Variants in NKAIN2 observed in about 807,000 individuals in gnomAD.
NKAIN2 encodes sodium/potassium transporting ATPase interacting 2.
In NKAIN2, 14 loss-of-function variants were observed where a neutral mutation model predicts 32.6. That is an observed-to-expected ratio of 0.43 (90% CI 0.28 to 0.67). NKAIN2 has a LOEUF of 0.67. Ranked by LOEUF, NKAIN2 falls within the 30% of genes least tolerant of loss-of-function variation. The pLI is 0.17. For missense variants in NKAIN2, 198 were observed against 258.3 expected, an observed-to-expected ratio of 0.77 and a Z score of 1.60; for synonymous variants, 80 against 87.2, an observed-to-expected ratio of 0.92 and a Z score of 0.46.
Position 124,043,309 on chromosome 6 carries a change from G to A in NKAIN2, c.54+239055G>A, listed in dbSNP as rs373076185. 5.3e-5 allele frequency among the ~76,000 whole-genome samples: 8 copies of A among 152,116 alleles called. 1 individual carries two copies. In the East Asian group the frequency reaches 1.2e-3, roughly 22 times the overall value. On this transcript the variant is annotated intron_variant, in intron 1 of 6. Coordinates refer to ENST00000368417, the MANE Select transcript of NKAIN2 (RefSeq NM_001040214.3). ...AGATCGCACCATTGCACTCCAGACTGTATGACAGAGTGAAACTCTGTCTCA... is the reference window on the plus strand; with the variant it reads ...AGATCGCACCATTGCACTCCAGACTATATGACAGAGTGAAACTCTGTCTCA...
chr6:124,030,281 C>A (rs189057632), intron 1 of NKAIN2, among the ~76,000 whole-genome samples: 3 of 152,096 alleles, frequency 2.0e-5, no homozygotes, highest in Non-Finnish European at 4.4e-5. Flanking sequence ...CATCCCAAAA[C>A]CATCCTCACA....
intron 3 of NKAIN2, among the ~76,000 whole-genome samples, chr6:124,416,848 A>T (rs1394820756): frequency 3.9e-5 from 6 of 151,978 alleles, no homozygotes; most frequent in Non-Finnish European, 8.8e-5. Context: ...CTCCACCCTC[A>T]TCCATCAGTT....
chr6:124,212,271 A>G (rs1339307903), intron 1 of NKAIN2, among the ~76,000 whole-genome samples: 2 of 152,210 alleles, frequency 1.3e-5, no homozygotes, highest in East Asian at 3.9e-4. Context: ...TAAAAGTAAT[A>G]TATGATTCTC....
At chr6:124,389,715 TTGTGTG>T (rs3052704) in intron 3 of NKAIN2, among the ~76,000 whole-genome samples, 4,562 of 141,608 alleles carry the variant, frequency 0.032, 205 homozygotes, top group African/African-American at 0.11. Context: ...CTGTGTACAT[TTGTGTG>T]TGTGTGTGTG....
intron 3 of NKAIN2, among the ~76,000 whole-genome samples, chr6:124,511,933 T>C (rs1227595822): frequency 1.3e-5 from 2 of 152,202 alleles, no homozygotes; most frequent in Non-Finnish European, 2.9e-5. Context: ...CTCACCACTT[T>C]TGAAGTGGTT....
intron 4 of NKAIN2, among the ~76,000 whole-genome samples, chr6:124,739,507 C>G (rs992619875): frequency 3.3e-5 from 5 of 151,776 alleles, no homozygotes; most frequent in African/African-American, 1.2e-4. Flanking sequence ...AACCAATGAC[C>G]CTTCCACAGT....
intron 3 of NKAIN2, among the ~76,000 whole-genome samples, chr6:124,446,958 A>G (rs1775917894): frequency 1.3e-5 from 2 of 152,088 alleles, no homozygotes; most frequent in Admixed American, 6.6e-5. Flanking sequence ...TATACATCCT[A>G]CAATGCACAG....
At chr6:123,888,660 A>C (rs2114362576) in intron 1 of NKAIN2, among the ~76,000 whole-genome samples, 1 of 152,158 alleles carries the variant, frequency 6.6e-6, no homozygotes, top group Non-Finnish European at 1.5e-5. Context: ...CTTTGTTCGC[A>C]TTTTTTTAAA....
chr6:124,008,055 T>TCTTGCTGGC, intron 1 of NKAIN2, among the ~76,000 whole-genome samples: 1 of 152,268 alleles, frequency 6.6e-6, no homozygotes, highest in South Asian at 2.1e-4. Context: ...AGCTACTGTC[T>TCTTGCTGGC]CTTGCTGGCC....
At chr6:123,819,451 G>A (rs1167904336) in intron 1 of NKAIN2, among the ~76,000 whole-genome samples, 2 of 152,146 alleles carry the variant, frequency 1.3e-5, no homozygotes, top group African/African-American at 2.4e-5. Context: ...AAAAGTCAGT[G>A]CTTGCTAAAA....
intron 1 of NKAIN2, among the ~76,000 whole-genome samples, chr6:124,271,454 G>T (rs1354260699): frequency 6.6e-6 from 1 of 152,150 alleles, no homozygotes; most frequent in Non-Finnish European, 1.5e-5. Context: ...CTGACCTCGT[G>T]ATCCACCCGC....
chr6:124,511,357 T>C (rs570086033), intron 3 of NKAIN2, among the ~76,000 whole-genome samples: 23 of 152,328 alleles, frequency 1.5e-4, no homozygotes, highest in African/African-American at 5.5e-4. Context: ...TGAGAGCTGA[T>C]TGTGCCCTGG....
chr6:124,765,867 A>G (rs2114746528), intron 4 of NKAIN2, among the ~76,000 whole-genome samples: 1 of 152,338 alleles, frequency 6.6e-6, no homozygotes, highest in South Asian at 2.1e-4. Context: ...CATCATAGGA[A>G]CTGAGAGGAG....
chr6:124,374,761 A>G (rs1232000870), intron 3 of NKAIN2, among the ~76,000 whole-genome samples: 3 of 152,058 alleles, frequency 2.0e-5, no homozygotes, highest in African/African-American at 7.3e-5. Flanking sequence ...CTGGGAAAAT[A>G]TAACAACCTA....
intron 3 of NKAIN2, among the ~76,000 whole-genome samples, chr6:124,466,712 G>A (rs1267860502): frequency 6.8e-6 from 1 of 147,994 alleles, no homozygotes; most frequent in Non-Finnish European, 1.5e-5. Flanking sequence ...TACATATGGA[G>A]TCAAAAAGAG....
At chr6:124,447,552 C>T (rs963092003) in intron 3 of NKAIN2, among the ~76,000 whole-genome samples, 5 of 152,168 alleles carry the variant, frequency 3.3e-5, no homozygotes, top group African/African-American at 4.8e-5. Context: ...TAAATCAGGC[C>T]TTATGCAGTT....
intron 3 of NKAIN2, among the ~76,000 whole-genome samples, chr6:124,431,231 T>A (rs1298120870): frequency 6.6e-6 from 1 of 152,100 alleles, no homozygotes; most frequent in Admixed American, 6.6e-5. Flanking sequence ...AATAACTGAT[T>A]TTTCTTGGTC....
At chr6:124,481,562 T>C (rs1270371281) in intron 3 of NKAIN2, among the ~76,000 whole-genome samples, 3 of 152,180 alleles carry the variant, frequency 2.0e-5, no homozygotes, top group African/African-American at 7.2e-5. Flanking sequence ...TAATTCTGTT[T>C]TTCAAATCTT....
intron 3 of NKAIN2, among the ~76,000 whole-genome samples, chr6:124,646,420 T>C (rs1252381528): frequency 1.3e-5 from 2 of 152,116 alleles, no homozygotes; most frequent in Non-Finnish European, 2.9e-5. Flanking sequence ...AGATCAGTCC[T>C]GGAAGTCAAC....
Sources: allele counts gnomAD v4.1 joint callset (sites outside exome capture counted in the v4.1 genomes callset), GRCh38; gene constraint gnomAD v4.1.1; transcripts MANE v1.5; gene names NCBI Gene and HGNC (gene_info 2026-07-23, HGNC 2026-07-21).